Variants in NCOA2 observed in about 807,000 individuals in gnomAD.
NCOA2 encodes the protein nuclear receptor coactivator 2.
Under a neutral mutation model 145.1 loss-of-function variants are expected in NCOA2, and 21 were observed. The ratio of observed to expected loss-of-function variants is 0.14; its 90% CI spans 0.10 to 0.21. The LOEUF is 0.21. Ranked by LOEUF, NCOA2 falls within the 10% of genes least tolerant of loss-of-function variation. NCOA2 has a pLI of 1.00. For synonymous variants in NCOA2, 619 were observed against 637.5 expected (o/e 0.97, Z 0.44); for missense variants, 1,472 against 1,837.6 (o/e 0.80, Z 3.64).
At chr8:70,454,864 T>A in the NCOA2 span, among the ~76,000 whole-genome samples, 1 of 152,350 alleles carries the variant, frequency 6.6e-6, no homozygotes, top group African/African-American at 2.4e-5. Flanking sequence ...AGATACAGAA[T>A]TTTCCATACT....
chr8:70,407,778 G>C (rs1001180533), upstream of NCOA2, among the ~76,000 whole-genome samples: 1 of 152,094 alleles, frequency 6.6e-6, no homozygotes, highest in African/African-American at 2.4e-5. Flanking sequence ...CCTGGTGACA[G>C]AGCAAGACTC....
rs1204832235 is a variant in NCOA2, at chr8:70,112,220, G to A, written c.*1412C>T. 1 of 202,172 alleles carries A rather than the reference G, an allele frequency of 4.9e-6. No homozygotes were observed. Among genetic ancestry groups the A allele is most frequent in the Admixed American group, 6.0e-5 (1 of 16,744 alleles). 12.5% of individuals were successfully genotyped at this position (202,172 alleles called of 1,614,324 possible). On this transcript the variant is annotated 3_prime_UTR_variant, in exon 23 of 23. Coordinates refer to ENST00000452400, the MANE Select transcript of NCOA2 (RefSeq NM_006540.4). ...AAAAAGTCTTAAGTCTACAAATTAGGTCTAATCAAGGCATTGATATCCTTT... is the reference window on the plus strand; with the variant it reads ...AAAAAGTCTTAAGTCTACAAATTAGATCTAATCAAGGCATTGATATCCTTT...
At chr8:70,454,300 T>A in the NCOA2 span, among the ~76,000 whole-genome samples, 1 of 152,316 alleles carries the variant, frequency 6.6e-6, no homozygotes, top group East Asian at 1.9e-4. Flanking sequence ...CAAGTCACGC[T>A]CATGACAGCT....
intron 1 of NCOA2, among the ~76,000 whole-genome samples, chr8:70,326,442 C>CACAT (rs1806569224): frequency 6.7e-6 from 1 of 149,212 alleles, no homozygotes; most frequent in Admixed American, 6.7e-5. Context: ...CACACACACA[C>CACAT]ACACACACGT....
chr8:70,234,034 C>A (rs770090990), intron 2 of NCOA2, among the ~76,000 whole-genome samples: 2 of 152,126 alleles, frequency 1.3e-5, no homozygotes, highest in Non-Finnish European at 2.9e-5. Context: ...CCTCTCCCAG[C>A]CCCTCACAGC....
intron 1 of NCOA2, among the ~76,000 whole-genome samples, chr8:70,302,835 C>A (rs1827613892): frequency 6.6e-6 from 1 of 152,026 alleles, no homozygotes; most frequent in South Asian, 2.1e-4. Context: ...AATTCATAGG[C>A]CATAATTATA....
chr8:70,165,977 C>A (rs1813568741), intron 7 of NCOA2, among the ~76,000 whole-genome samples: 1 of 152,080 alleles, frequency 6.6e-6, no homozygotes, highest in South Asian at 2.1e-4. Context: ...ATGCCAGCCA[C>A]CACGCCCGGC....
chr8:70,159,393 T>C, intron 10 of NCOA2, 112 bp downstream of exon 10: 2 of 961,318 alleles, frequency 2.1e-6, no homozygotes, highest in South Asian at 4.4e-5. Context: ...ATTACTGGGA[T>C]TGATGAGAAG....
At position 70,141,172 on chromosome 8, in the gene NCOA2, G is replaced by C; in HGVS notation, c.3028+12C>G. 1.2e-6 allele frequency: 2 copies of C among 1,611,654 alleles called. No individual in the cohort carries two copies. The highest frequency in any genetic ancestry group is 1.7e-6 in the Non-Finnish European group (2 of 1,178,736). On this transcript the variant is annotated intron_variant, in intron 14 of 22. Transcript: ENST00000452400. ...TAAAAGTTAAAAGCAAACAGCACTA[G>C]AGCCACCTTACCTATATTCATGACC...
At chr8:70,440,174 G>A in the NCOA2 span, among the ~76,000 whole-genome samples, 3 of 152,178 alleles carry the variant, frequency 2.0e-5, no homozygotes, top group Non-Finnish European at 2.9e-5. Flanking sequence ...AGTCTCGGGA[G>A]GCTGAAGCAG....
At chr8:70,425,168 G>C in the NCOA2 span, among the ~76,000 whole-genome samples, 1 of 152,164 alleles carries the variant, frequency 6.6e-6, no homozygotes, top group Non-Finnish European at 1.5e-5. Flanking sequence ...TTTCTGGAAG[G>C]CATCCTTGCA....
the NCOA2 span, among the ~76,000 whole-genome samples, chr8:70,442,147 G>GAAAGAAAGAAAGAAAGAA: frequency 7.4e-6 from 1 of 135,450 alleles, no homozygotes; most frequent in African/African-American, 3.3e-5. Flanking sequence ...AAGAAAGAAA[G>GAAAGAAAGAAAGAAAGAA]AAAGAAAGAA....
chr8:70,186,372 C>T (rs902864069), intron 4 of NCOA2, among the ~76,000 whole-genome samples: 15 of 152,182 alleles, frequency 9.9e-5, no homozygotes, highest in African/African-American at 3.4e-4. Flanking sequence ...CCTCCCTCCT[C>T]ACTTTCCTCC....
intron 2 of NCOA2, among the ~76,000 whole-genome samples, chr8:70,247,716 T>C (rs1822747216): frequency 6.6e-6 from 1 of 152,234 alleles, no homozygotes; most frequent in Non-Finnish European, 1.5e-5. Flanking sequence ...ACAGACACGC[T>C]AACATTAACA....
chr8:70,235,515 A>T (rs1821515073), intron 2 of NCOA2, among the ~76,000 whole-genome samples: 1 of 152,200 alleles, frequency 6.6e-6, no homozygotes, highest in Non-Finnish European at 1.5e-5. Context: ...CAGACCCATC[A>T]GATCAGAAAT....
intron 10 of NCOA2, among the ~76,000 whole-genome samples, chr8:70,158,483 G>T (rs1045249046): frequency 3.9e-5 from 6 of 152,034 alleles, no homozygotes; most frequent in South Asian, 2.1e-4. Flanking sequence ...AAGTTAATTT[G>T]AACCAGAGAA....
At chr8:70,375,866 T>C (rs933970994) in intron 1 of NCOA2, among the ~76,000 whole-genome samples, 1 of 152,240 alleles carries the variant, frequency 6.6e-6, no homozygotes, top group Non-Finnish European at 1.5e-5. Context: ...ATGAAAAAGA[T>C]AGCACTGCTG....
intron 4 of NCOA2, among the ~76,000 whole-genome samples, chr8:70,206,982 G>A (rs150316298): frequency 6.6e-6 from 1 of 152,122 alleles, no homozygotes; most frequent in East Asian, 1.9e-4. Context: ...CCTTTCCATT[G>A]TTCCCTACAG....
chr8:70,410,963 T>C, the NCOA2 span, among the ~76,000 whole-genome samples: 1 of 152,144 alleles, frequency 6.6e-6, no homozygotes, highest in African/African-American at 2.4e-5. Context: ...TCTGGGGTGA[T>C]TAATATTGAT....
Sources: gnomAD v4.1 joint callset for allele counts (sites outside exome capture counted in the v4.1 genomes callset) on GRCh38, gnomAD v4.1.1 for gene constraint, MANE v1.5 for transcripts, NCBI Gene and HGNC (gene_info 2026-07-23, HGNC 2026-07-21) for gene names.